The following SH3BGRL variants were observed in gnomAD, a reference collection of about 807,000 sequenced individuals.
SH3BGRL encodes the protein SH3 domain binding glutamate rich protein like.
In SH3BGRL, 7 loss-of-function variants were observed where a neutral mutation model predicts 9.8. The ratio of observed to expected loss-of-function variants is 0.72; its 90% CI spans 0.41 to 1.35. The LOEUF (loss-of-function observed/expected upper bound fraction) is 1.35, where lower values mean the gene tolerates loss of function less well. SH3BGRL is among the 40% of genes most tolerant of loss of function. SH3BGRL has a pLI of 0.01. For synonymous variants in SH3BGRL, 36 were observed against 29.1 expected, an observed-to-expected ratio of 1.24 and a Z score of -0.76; for missense variants, 73 against 84.4, an observed-to-expected ratio of 0.86 and a Z score of 0.53.
chrX:81,230,560 C>G (rs1358022116), intron 1 of SH3BGRL, among the ~76,000 whole-genome samples: 1 of 111,818 alleles, frequency 8.9e-6, no homozygotes, highest in Non-Finnish European at 1.9e-5. Flanking sequence ...ACTGAAAAGA[C>G]CTAGAAGAGG....
chrX:81,243,331 T>C (rs951141155), intron 1 of SH3BGRL, among the ~76,000 whole-genome samples: 26 of 111,638 alleles, frequency 2.3e-4, no homozygotes, highest in Non-Finnish European at 4.3e-4. Flanking sequence ...GAATCTAAAA[T>C]TCAAAACAAT....
intron 1 of SH3BGRL, among the ~76,000 whole-genome samples, chrX:81,220,553 T>G (rs188756734): frequency 6.3e-5 from 7 of 110,619 alleles, no homozygotes; most frequent in African/African-American, 2.0e-4. Flanking sequence ...TTACATCTTT[T>G]CAAAAAACCC....
chrX:81,281,818 G>A (rs1035809478), intron 3 of SH3BGRL, among the ~76,000 whole-genome samples: 1 of 112,221 alleles, frequency 8.9e-6, no homozygotes, highest in Admixed American at 9.4e-5. Context: ...CACAATGAAT[G>A]CAATGGTACC....
chrX:81,298,112 G>A lies in SH3BGRL; in HGVS notation c.*885G>A, dbSNP rs1417803008. The A allele has an allele frequency of 9.0e-6, 1 of 111,584 alleles. No individual in the cohort carries two copies. 9.2% of individuals were successfully genotyped at this position (111,584 alleles called of 1,213,427 possible). On this transcript the variant is annotated 3_prime_UTR_variant, in exon 4 of 4. Coordinates refer to ENST00000373212, the MANE Select transcript of SH3BGRL (RefSeq NM_003022.3). ...GTTTTTGCTAAAACAAATCTTAGTA[G>A]TTTTGCCCGTTTAAAACAACTCACA...
chrX:81,251,832 A>G (rs891440495), intron 1 of SH3BGRL, among the ~76,000 whole-genome samples: 59 of 112,315 alleles, frequency 5.3e-4, no homozygotes, highest in Non-Finnish European at 3.2e-4. Context: ...GATATTTCAT[A>G]GAAACATGAA....
At position 81,229,207 on chromosome X, in the gene SH3BGRL, G is replaced by A. The variant is rs190456341; in HGVS notation, c.45+26962G>A. On this transcript the variant is annotated intron_variant, in intron 1 of 3. Transcript: ENST00000373212. ...CCATGGGGGTGTGGCTCACTTTTTC[G>A]GTGGCCCGCCACTCAAACCTCTGGG... 2.7e-4 allele frequency among the ~76,000 whole-genome samples: 30 copies of A among 109,887 alleles called. No individual in the cohort carries two copies. In the South Asian group the frequency reaches 0.011, roughly 40 times the overall value.
At chrX:81,257,009 C>A (rs1321938811) in intron 1 of SH3BGRL, among the ~76,000 whole-genome samples, 1 of 111,291 alleles carries the variant, frequency 9.0e-6, no homozygotes, top group African/African-American at 3.3e-5. Flanking sequence ...AAAATACTAG[C>A]TACCAATCCT....
intron 1 of SH3BGRL, among the ~76,000 whole-genome samples, chrX:81,218,533 AT>A (rs770166181): frequency 3.8e-5 from 4 of 105,415 alleles, no homozygotes; most frequent in Non-Finnish European, 3.9e-5. Flanking sequence ...TTCTTAGCTT[AT>A]TTTTTTTTGT....
intron 1 of SH3BGRL, among the ~76,000 whole-genome samples, chrX:81,236,370 C>T (rs2075647898): frequency 1.8e-5 from 2 of 111,556 alleles, no homozygotes; most frequent in African/African-American, 6.5e-5. Context: ...AAGGTGAAGA[C>T]AAAGGACATT....
chrX:81,265,418 T>C (rs979471076), intron 1 of SH3BGRL, among the ~76,000 whole-genome samples: 5 of 109,819 alleles, frequency 4.6e-5, no homozygotes, highest in African/African-American at 1.7e-4. Context: ...GTCCAAGTGT[T>C]CTCATTGTTC....
chrX:81,282,885 T>C (rs2075822271), intron 3 of SH3BGRL, among the ~76,000 whole-genome samples: 1 of 111,998 alleles, frequency 8.9e-6, no homozygotes, highest in African/African-American at 3.2e-5. Context: ...AACAAAAAGC[T>C]GGTTCTTTGA....
chrX:81,296,751 G>T (rs2075876539), intron 3 of SH3BGRL, among the ~76,000 whole-genome samples: 1 of 111,490 alleles, frequency 9.0e-6, no homozygotes, highest in African/African-American at 3.3e-5. Flanking sequence ...TGATTTTTTG[G>T]TGTGTATTCT....
chrX:81,245,324 ACT>A (rs1372321921), intron 1 of SH3BGRL, among the ~76,000 whole-genome samples: 1 of 111,292 alleles, frequency 9.0e-6, no homozygotes, highest in Non-Finnish European at 1.9e-5. Context: ...CCTTGAGGAG[ACT>A]CTGTTACCTA....
chrX:81,256,852 C>A (rs1197822954), intron 1 of SH3BGRL, among the ~76,000 whole-genome samples: 1 of 111,818 alleles, frequency 8.9e-6, no homozygotes, highest in Non-Finnish European at 1.9e-5. Flanking sequence ...TCCAGTTCTT[C>A]ATTTACATAC....
rs73634735 is a variant in SH3BGRL, at chrX:81,250,494, G to T, written c.46-26490G>T. ...TGATTATTTCCCTTCCTGGTCTCAC[G>T]CATAATACTTTGGTATAACCCAAGT... On this transcript the variant is annotated intron_variant, in intron 1 of 3. Transcript: ENST00000373212. Among the ~76,000 whole-genome samples, 5 of 111,312 alleles carry T rather than the reference G, an allele frequency of 4.5e-5. No individual in the cohort carries two copies. In the Admixed American group the frequency reaches 4.7e-4, roughly 11 times the overall value.
At chrX:81,208,072 C>T (rs1294691119) in intron 1 of SH3BGRL, among the ~76,000 whole-genome samples, 2 of 110,913 alleles carry the variant, frequency 1.8e-5, no homozygotes, top group Admixed American at 9.6e-5. Context: ...CTGGCTAACA[C>T]GGTGAGACCC....
At chrX:81,214,031 G>T (rs1238802141) in intron 1 of SH3BGRL, among the ~76,000 whole-genome samples, 1 of 112,363 alleles carries the variant, frequency 8.9e-6, no homozygotes, top group Non-Finnish European at 1.9e-5. Flanking sequence ...ACAGGACTTT[G>T]CTGAATGTTC....
intron 1 of SH3BGRL, among the ~76,000 whole-genome samples, chrX:81,206,779 AGAG>A (rs1490761165): frequency 9.0e-6 from 1 of 111,485 alleles, no homozygotes; most frequent in Non-Finnish European, 1.9e-5. Flanking sequence ...CCAAGAAGAT[AGAG>A]AAGACCTACA....
At chrX:81,273,710 T>G (rs1232263895) in intron 1 of SH3BGRL, among the ~76,000 whole-genome samples, 1 of 109,551 alleles carries the variant, frequency 9.1e-6, no homozygotes, top group African/African-American at 3.3e-5. Context: ...ATTTTCCCAT[T>G]TGAAGCATCA....
Sources: allele counts gnomAD v4.1 joint callset (sites outside exome capture counted in the v4.1 genomes callset), GRCh38; gene constraint gnomAD v4.1.1; transcripts MANE v1.5; gene names NCBI Gene and HGNC (gene_info 2026-07-23, HGNC 2026-07-21).